The following MAGI1 variants were observed in gnomAD, a reference collection of about 807,000 sequenced individuals.
MAGI1 encodes membrane-associated guanylate kinase, WW and PDZ domain-containing protein 1.
A neutral mutation model predicts 139.9 loss-of-function variants in MAGI1; 58 were observed. That is an observed-to-expected ratio of 0.41 (90% CI 0.34 to 0.52). The LOEUF is 0.52. Ranked by LOEUF, MAGI1 falls within the 20% of genes least tolerant of loss-of-function variation. MAGI1 has a pLI of 0.12. For synonymous variants in MAGI1, 812 were observed against 737.9 expected (o/e 1.10, Z -1.63); for missense variants, 1,874 against 1,901.6 (o/e 0.99, Z 0.27).
intron 1 of MAGI1, among the ~76,000 whole-genome samples, chr3:65,711,275 C>G (rs1313587457): frequency 6.6e-6 from 1 of 152,076 alleles, no homozygotes; most frequent in Non-Finnish European, 1.5e-5. Context: ...ATACCAAGGT[C>G]AAATAGAGAA....
At chr3:65,781,971 T>C (rs937945933) in intron 1 of MAGI1, among the ~76,000 whole-genome samples, 2 of 152,192 alleles carry the variant, frequency 1.3e-5, no homozygotes, top group Non-Finnish European at 2.9e-5. Context: ...CCTGAGCAGA[T>C]TGGTAGATTT....
chr3:65,400,108 T>A, intron 13 of MAGI1, among the ~76,000 whole-genome samples: 1 of 152,176 alleles, frequency 6.6e-6, no homozygotes, highest in East Asian at 1.9e-4. Context: ...TTACTGGCTA[T>A]GACCAAGGGA....
In MAGI1 at chr3:65,353,932, G is replaced by A. The variant is rs1940096759; in HGVS notation, c.*2446C>T. 6.6e-6 allele frequency: 1 copy of A among 152,154 alleles called. No homozygotes were observed. The highest frequency in any genetic ancestry group is 1.5e-5 in the Non-Finnish European group (1 of 68,040). The allele number at this position is 152,154 out of a possible 1,614,324, so 9.4% of individuals were successfully genotyped here. On this transcript the variant is annotated 3_prime_UTR_variant, in exon 23 of 23. Transcript: ENST00000402939. Reference sequence around the variant, plus strand: ...GAAACTGCCACACCAAAAAGTCCACGGATTGAGACAAGCCCAGGTGGGTAG... The same window carrying A: ...GAAACTGCCACACCAAAAAGTCCACAGATTGAGACAAGCCCAGGTGGGTAG...
At chr3:65,955,861 T>C (rs1395227112) in intron 1 of MAGI1, among the ~76,000 whole-genome samples, 1 of 151,816 alleles carries the variant, frequency 6.6e-6, no homozygotes, top group Non-Finnish European at 1.5e-5. Context: ...CATGCCAGAG[T>C]GTTCTGTTTG....
At chr3:65,960,738 G>T (rs1364493521) in intron 1 of MAGI1, among the ~76,000 whole-genome samples, 1 of 152,158 alleles carries the variant, frequency 6.6e-6, no homozygotes, top group Non-Finnish European at 1.5e-5. Flanking sequence ...AGGGAGGTGG[G>T]CTCTTGTTAT....
At chr3:65,558,173 G>A (rs954537037) in intron 2 of MAGI1, among the ~76,000 whole-genome samples, 1 of 151,896 alleles carries the variant, frequency 6.6e-6, no homozygotes, top group African/African-American at 2.4e-5. Flanking sequence ...ATTAATAGAC[G>A]TAGAGGCTAT....
At chr3:65,666,127 C>A (rs991653627) in intron 1 of MAGI1, among the ~76,000 whole-genome samples, 1 of 152,170 alleles carries the variant, frequency 6.6e-6, no homozygotes, top group Non-Finnish European at 1.5e-5. Context: ...CACAGATACA[C>A]TGACTCATGT....
intron 2 of MAGI1, chr3:65,532,788 T>C (rs2078774678): frequency 6.6e-6 from 1 of 152,208 alleles, no homozygotes; most frequent in African/African-American, 2.4e-5. Context: ...ACTCCTATCC[T>C]GTAAGCTGCT....
chr3:65,976,713 C>T (rs1387154587), intron 1 of MAGI1, among the ~76,000 whole-genome samples: 1 of 152,156 alleles, frequency 6.6e-6, no homozygotes, highest in Non-Finnish European at 1.5e-5. Context: ...GAGTTAATTA[C>T]CCTCACGTTT....
chr3:65,580,368 C>T (rs2081362623), intron 2 of MAGI1, among the ~76,000 whole-genome samples: 1 of 150,976 alleles, frequency 6.6e-6, no homozygotes. Context: ...TAATTTTAAC[C>T]TTCTCTTCAG....
At chr3:65,891,213 C>CAAAA (rs1224604230) in intron 1 of MAGI1, among the ~76,000 whole-genome samples, 60 of 113,626 alleles carry the variant, frequency 5.3e-4, no homozygotes, top group African/African-American at 2.4e-3. Context: ...GAAAAACACA[C>CAAAA]ACAAAAAAAA....
intron 1 of MAGI1, among the ~76,000 whole-genome samples, chr3:65,798,334 A>C (rs913008183): frequency 1.3e-5 from 2 of 151,946 alleles, no homozygotes; most frequent in Non-Finnish European, 2.9e-5. Flanking sequence ...CAAACAAACA[A>C]ACACAGCCTC....
chr3:65,756,730 G>A (rs1382115317), intron 1 of MAGI1, among the ~76,000 whole-genome samples: 2 of 152,078 alleles, frequency 1.3e-5, no homozygotes, highest in African/African-American at 4.8e-5. Flanking sequence ...GACATATTCG[G>A]AAGTCATCAG....
intron 2 of MAGI1, among the ~76,000 whole-genome samples, chr3:65,598,210 G>A (rs1390558086): frequency 6.6e-6 from 1 of 152,094 alleles, no homozygotes; most frequent in African/African-American, 2.4e-5. Flanking sequence ...GGGGGATTAG[G>A]GGGCTGCACC....
chr3:65,646,266 G>A (rs1458982580), intron 1 of MAGI1, among the ~76,000 whole-genome samples: 1 of 151,870 alleles, frequency 6.6e-6, no homozygotes, highest in Admixed American at 6.6e-5. Context: ...ATCAGACAAT[G>A]TGGGCTTTAC....
At chr3:65,547,755 T>C (rs1199807506) in intron 2 of MAGI1, among the ~76,000 whole-genome samples, 1 of 152,180 alleles carries the variant, frequency 6.6e-6, no homozygotes, top group Non-Finnish European at 1.5e-5. Context: ...TATGAAGAGC[T>C]GATAGCAGTG....
At chr3:66,037,487 G>A (rs1465730198) in intron 1 of MAGI1, among the ~76,000 whole-genome samples, 3 of 152,162 alleles carry the variant, frequency 2.0e-5, no homozygotes, top group Non-Finnish European at 4.4e-5. Flanking sequence ...GGAACCGCCA[G>A]GCAGTGGTGT....
At chr3:65,412,213 G>A (rs144372905) in intron 12 of MAGI1, among the ~76,000 whole-genome samples, 47 of 152,216 alleles carry the variant, frequency 3.1e-4, no homozygotes, top group African/African-American at 1.0e-3. Flanking sequence ...CTGCCTCCTT[G>A]CAATTCTCTG....
In MAGI1 at chr3:65,356,407, T is replaced by C; in HGVS notation, c.4360A>G (p.Lys1454Glu). ...ATACTGAGGTCGGTGCTACATTCTTTGTAAGGTCGCCTTCTCTGCTCCGGG... is the reference window on the plus strand; with the variant it reads ...ATACTGAGGTCGGTGCTACATTCTTCGTAAGGTCGCCTTCTCTGCTCCGGG... ...HPPEQRRRPYKECSTDLSI is the reference protein window; with the variant it reads ...HPPEQRRRPYEECSTDLSI The change falls in exon 23 of 23, where the codon AAA becomes GAA. Residue 1454 changes from lysine (K) to glutamate (E), a missense_variant. This residue lies in a region of MAGI1 where 653 missense variants were observed against 644.5 expected (regional missense o/e 1.01). Coordinates refer to ENST00000402939, the MANE Select transcript of MAGI1 (RefSeq NM_001033057.2). The C allele has an allele frequency of 6.2e-7, 1 of 1,602,882 alleles. No individual in the cohort carries two copies. The highest frequency in any genetic ancestry group is 8.5e-7 in the Non-Finnish European group (1 of 1,176,474).
Sources: allele counts gnomAD v4.1 joint callset (sites outside exome capture counted in the v4.1 genomes callset), GRCh38; gene constraint gnomAD v4.1.1; regional missense constraint gnomAD v4.1.1; transcripts MANE v1.5; gene names NCBI Gene and HGNC (gene_info 2026-07-23, HGNC 2026-07-21).